Variants in PRPF18 observed in about 807,000 individuals in gnomAD.
The protein encoded by PRPF18 is pre-mRNA processing factor 18, also known as pre-mRNA-splicing factor 18.
Under a neutral mutation model 46.5 loss-of-function variants are expected in PRPF18, and 38 were observed. That is an observed-to-expected ratio of 0.82 (90% CI 0.63 to 1.07). PRPF18 has a LOEUF of 1.07. Ranked by LOEUF, PRPF18 falls within the 50% of genes least tolerant of loss-of-function variation. The pLI is 0.00. For missense variants in PRPF18, 263 were observed against 410.0 expected, an observed-to-expected ratio of 0.64 and a Z score of 3.10; for synonymous variants, 152 against 146.7, an observed-to-expected ratio of 1.04 and a Z score of -0.26.
chr10:13,609,178 T>G (rs949400717), intron 4 of PRPF18, among the ~76,000 whole-genome samples: 3 of 152,254 alleles, frequency 2.0e-5, no homozygotes, highest in Non-Finnish European at 4.4e-5. Flanking sequence ...AAGCTCATCG[T>G]CCATTTCTTA....
intron 9 of PRPF18, among the ~76,000 whole-genome samples, chr10:13,627,073 T>A (rs75015160): frequency 0.013 from 1,999 of 152,252 alleles, 47 homozygotes; most frequent in African/African-American, 0.046. Context: ...TTCCCCAGAC[T>A]GATCCAGTTC....
rs80020806 is a variant in PRPF18 at position 13,607,649 on chromosome 10, G to C, written c.363+1905G>C. On this transcript the variant is annotated intron_variant, in intron 4 of 9. Coordinates refer to ENST00000378572, the MANE Select transcript of PRPF18 (RefSeq NM_003675.4). ...TGATCTTGAACTCCTCTACTCAAGG[G>C]ATCCTCCCGCCTTGGCCTCCCGAAG... Among the ~76,000 whole-genome samples, 75 of 152,292 alleles carry C rather than the reference G, an allele frequency of 4.9e-4. No homozygotes were observed. In the East Asian group the frequency reaches 0.014, roughly 28 times the overall value.
chr10:13,618,497 G>C (rs1037233585), intron 9 of PRPF18, among the ~76,000 whole-genome samples: 15 of 151,456 alleles, frequency 9.9e-5, no homozygotes, highest in African/African-American at 3.6e-4. Context: ...ATGGTTGTGT[G>C]TGCCTGTAGT....
At chr10:13,644,159 A>T in the PRPF18 span, 1 of 152,390 alleles carries the variant, frequency 6.6e-6, no homozygotes, top group Non-Finnish European at 1.5e-5. Context: ...TAAAAAATCA[A>T]CCTGGCTCAC....
chr10:13,602,634 A>G (rs1285754071), intron 3 of PRPF18, among the ~76,000 whole-genome samples: 3 of 151,778 alleles, frequency 2.0e-5, no homozygotes, highest in Non-Finnish European at 4.4e-5. Context: ...AGAAAATGTA[A>G]TTTTCTTTAT....
intron 9 of PRPF18, among the ~76,000 whole-genome samples, chr10:13,624,627 T>C (rs2080471345): frequency 6.6e-6 from 1 of 152,176 alleles, no homozygotes; most frequent in Admixed American, 6.5e-5. Flanking sequence ...AACAGGAAAA[T>C]TGAGTGGAAT....
intron 3 of PRPF18, among the ~76,000 whole-genome samples, chr10:13,603,672 G>A (rs1450420286): frequency 6.6e-6 from 1 of 152,158 alleles, no homozygotes; most frequent in Non-Finnish European, 1.5e-5. Flanking sequence ...TGTAGTTGTG[G>A]ATAGGACTGA....
rs750024092 is a variant in PRPF18 at position 13,610,195 on chromosome 10, A to G, written c.510+10A>G. 1 of 1,611,524 alleles carries G rather than the reference A, an allele frequency of 6.2e-7. No individual in the cohort carries two copies. The highest frequency in any genetic ancestry group is 1.7e-5 in the Admixed American group (1 of 59,828). Reference sequence around the variant, plus strand: ...AATTGAAGAGTTAGAGGTAATCTCTACACCAAGCCCAGCACATCCCTGGCA... The same window carrying G: ...AATTGAAGAGTTAGAGGTAATCTCTGCACCAAGCCCAGCACATCCCTGGCA... On this transcript the variant is annotated intron_variant, in intron 5 of 9. Coordinates refer to ENST00000378572, the MANE Select transcript of PRPF18 (RefSeq NM_003675.4).
intron 9 of PRPF18, among the ~76,000 whole-genome samples, chr10:13,617,093 G>A (rs1340570932): frequency 6.6e-6 from 1 of 152,198 alleles, no homozygotes; most frequent in Non-Finnish European, 1.5e-5. Context: ...ACATAAACTT[G>A]TTGGTACTGT....
intron 9 of PRPF18, among the ~76,000 whole-genome samples, chr10:13,627,235 A>C (rs2080521920): frequency 6.6e-6 from 1 of 152,116 alleles, no homozygotes; most frequent in Non-Finnish European, 1.5e-5. Context: ...GCATCGTTGA[A>C]AATTTTTTTT....
At chr10:13,648,051 C>T in the PRPF18 span, 1 of 152,138 alleles carries the variant, frequency 6.6e-6, no homozygotes, top group Non-Finnish European at 1.5e-5. Context: ...ATCAGTCATC[C>T]CCAGCTTTCT....
chr10:13,592,298 G>A (rs1250707534), intron 1 of PRPF18: 5 of 410,566 alleles, frequency 1.2e-5, no homozygotes, highest in East Asian at 5.9e-5. Flanking sequence ...TTTAGTATCC[G>A]GCTTCTCAAC....
At chr10:13,627,148 T>C (rs1294305900) in intron 9 of PRPF18, among the ~76,000 whole-genome samples, 1 of 152,174 alleles carries the variant, frequency 6.6e-6, no homozygotes, top group Non-Finnish European at 1.5e-5. Flanking sequence ...GTTCACAGAG[T>C]CCAAGCCAAA....
intron 9 of PRPF18, among the ~76,000 whole-genome samples, chr10:13,629,363 T>C (rs2080558779): frequency 1.3e-5 from 2 of 152,168 alleles, no homozygotes; most frequent in Admixed American, 6.5e-5. Context: ...ATTAAAGTGG[T>C]TTTATTGTGT....
At chr10:13,652,175 G>A in the PRPF18 span, 1 of 597,362 alleles carries the variant, frequency 1.7e-6, no homozygotes, top group Non-Finnish European at 3.0e-6. Flanking sequence ...TTTGTTAGGA[G>A]GGACGGGCCC....
chr10:13,604,271 C>T (rs1404962595), intron 3 of PRPF18, among the ~76,000 whole-genome samples: 1 of 152,132 alleles, frequency 6.6e-6, no homozygotes, highest in Non-Finnish European at 1.5e-5. Flanking sequence ...CCAGGTAAAG[C>T]TCTTGGTGTT....
In PRPF18 at chr10:13,591,727, G is replaced by A. The variant is rs868056107; in HGVS notation, c.66+4575G>A. Reference sequence around the variant, plus strand: ...TTTTACATCGCTGATAACAATTTTGGTTGAGGTGGCAATGACAGATTTCTG... The same window carrying A: ...TTTTACATCGCTGATAACAATTTTGATTGAGGTGGCAATGACAGATTTCTG... On this transcript the variant is annotated intron_variant, in intron 1 of 9. Coordinates refer to ENST00000378572, the MANE Select transcript of PRPF18 (RefSeq NM_003675.4). 7 of 1,021,952 alleles carry A rather than the reference G, an allele frequency of 6.8e-6. No individual in the cohort carries two copies. In the Middle Eastern group the frequency reaches 6.7e-4, roughly 98 times the overall value. 63.3% of individuals were successfully genotyped at this position (1,021,952 alleles called of 1,614,324 possible). A position where few individuals can be genotyped will look rare whatever the true frequency, so the allele number is the denominator to read the frequency against.
downstream of PRPF18, among the ~76,000 whole-genome samples, chr10:13,634,338 G>A (rs749088149): frequency 2.9e-4 from 44 of 152,178 alleles, no homozygotes; most frequent in Admixed American, 2.9e-3. Flanking sequence ...TTTTCTCACA[G>A]TGTTCAAGCT....
At chr10:13,648,631 C>T in the PRPF18 span, 2 of 152,154 alleles carry the variant, frequency 1.3e-5, no homozygotes, top group Non-Finnish European at 2.9e-5. Context: ...ACTAGGTTAA[C>T]AGGAGGAGGA....
Sources: gnomAD v4.1 joint callset for allele counts (sites outside exome capture counted in the v4.1 genomes callset) on GRCh38, gnomAD v4.1.1 for gene constraint, MANE v1.5 for transcripts, NCBI Gene and HGNC (gene_info 2026-07-23, HGNC 2026-07-21) for gene names.